PHOX2A: variants seen among roughly 807,000 people sequenced by gnomAD.
The protein encoded by PHOX2A is paired like homeobox 2A.
In PHOX2A, 10 loss-of-function variants were observed where a neutral mutation model predicts 16.4. The ratio of observed to expected loss-of-function variants is 0.61; its 90% CI spans 0.38 to 1.04. The LOEUF is 1.04. Among genes scored for constraint, PHOX2A ranks in the 50% least tolerant of loss-of-function variants. The probability of loss-of-function intolerance (pLI) is 0.01; values close to 1 mark genes in which losing one functional copy is unlikely to be tolerated. For synonymous variants in PHOX2A, 219 were observed against 203.8 expected (o/e 1.07, Z -0.64); for missense variants, 361 against 419.4 (o/e 0.86, Z 1.22).
In PHOX2A at chr11:72,239,977, C is replaced by T; in HGVS notation, c.627G>A (p.Pro209=). The T allele has an allele frequency of 7.6e-7, 1 of 1,318,664 alleles. No individual in the cohort carries two copies. The highest frequency in any genetic ancestry group is 9.6e-7 in the Non-Finnish European group (1 of 1,037,038). 81.7% of individuals were successfully genotyped at this position (1,318,664 alleles called of 1,614,324 possible). The change falls in exon 3 of 3, where the codon CCG becomes CCA. Residue 209 remains proline (P), a synonymous_variant. Coordinates refer to ENST00000298231, the MANE Select transcript of PHOX2A (RefSeq NM_005169.4). ...GLASPRLSPS[P]LPVALGSGPG... is the part of the protein sequence containing the mutation. ...GCCCGGAGCCCAGTGCGACGGGCAG[C>T]GGGCTGGGGCTCAGGCGCGGGCTGG...
chr11:72,241,415 C>T, intron 1 of PHOX2A, 126 bp from the exon 2 acceptor site: 1 of 644,848 alleles, frequency 1.6e-6, no homozygotes, highest in Admixed American at 2.9e-5. Context: ...CCTGATCCCT[C>T]GTCTTGGTCC....
intron 1 of PHOX2A, 23 bp from the exon 2 acceptor site, chr11:72,241,312 C>CGGGGGGGTGTGTGGGGGGGGGCG: frequency 2.5e-6 from 1 of 399,392 alleles, no homozygotes; most frequent in Non-Finnish European, 3.9e-6. Flanking sequence ...GCAGGGGGGC[C>CGGGGGGGTGTGTGGGGGGGGGCG]GGGGGGGGGG....
At position 72,239,640 on chromosome 11, in the gene PHOX2A, G is replaced by T; in HGVS notation, c.*109C>A. On this transcript the variant is annotated 3_prime_UTR_variant, in exon 3 of 3. Coordinates refer to ENST00000298231, the MANE Select transcript of PHOX2A (RefSeq NM_005169.4). Reference sequence around the variant, plus strand: ...CCGAGGGGTGAGACAGTAGGGAGTGGAGACGGATGGGGACTTCCAGGCGGG... The same window carrying T: ...CCGAGGGGTGAGACAGTAGGGAGTGTAGACGGATGGGGACTTCCAGGCGGG... The T allele has an allele frequency of 1.2e-6, 1 of 838,538 alleles. No homozygotes were observed. Among genetic ancestry groups the T allele is most frequent in the Non-Finnish European group, 1.6e-6 (1 of 614,028 alleles). The allele number at this position is 838,538 out of a possible 1,614,324, so 51.9% of individuals were successfully genotyped here. A position where few individuals can be genotyped will look rare whatever the true frequency, so the allele number is the denominator to read the frequency against.
chr11:72,243,662 G>T, intron 1 of PHOX2A, 126 bp downstream of exon 1: 1 of 444,256 alleles, frequency 2.3e-6, no homozygotes, highest in Non-Finnish European at 3.7e-6. Context: ...GGGTCTCTCG[G>T]GGCATTGGAG....
chr11:72,240,122 GCC>G lies in PHOX2A; in HGVS notation c.480_481del (p.Ala161GlyfsTer27). The G allele has an allele frequency of 6.6e-7, 1 of 1,524,014 alleles. No homozygotes were observed. The highest frequency in any genetic ancestry group is 1.2e-5 in the South Asian group (1 of 83,752). 94.4% of individuals were successfully genotyped at this position (1,524,014 alleles called of 1,614,324 possible). A position where few individuals can be genotyped will look rare whatever the true frequency, so the allele number is the denominator to read the frequency against. On this transcript the variant is annotated frameshift_variant, in exon 3 of 3. Transcript: ENST00000298231. LOFTEE classifies it high-confidence loss of function. ...GCGCGCCTCGCCCTTTTTGGCGCCC[GCC>G]GCGCCCGCCGCGCCCTTGGCGCTGG...
At position 72,239,800 on chromosome 11, in the gene PHOX2A, C is replaced by T. The variant is rs753265894; in HGVS notation, c.804G>A (p.Leu268=). 8.1e-6 allele frequency: 11 copies of T among 1,352,546 alleles called. No homozygotes were observed. The Admixed American group carries it at 9.2e-5, about 11-fold the overall frequency. 83.8% of individuals were successfully genotyped at this position (1,352,546 alleles called of 1,614,324 possible). ...ESGPGPFSGV[L]SSFHRKPGPA... ...GGCCGGGCTTCCGGTGAAAGGAGGA[C>T]AGAACCCCGGAGAAGGGCCCGGGGC... is the stretch of plus-strand genomic sequence containing the variant. The change falls in exon 3 of 3, where the codon CTG becomes CTA. Residue 268 remains leucine (L), a synonymous_variant. Coordinates refer to ENST00000298231, the MANE Select transcript of PHOX2A (RefSeq NM_005169.4).
rs763955171 is a variant in PHOX2A at position 72,239,762 on chromosome 11, G to A, written c.842C>T (p.Thr281Ile). 1 of 1,317,572 alleles carries A rather than the reference G, an allele frequency of 7.6e-7. No individual in the cohort carries two copies. Among genetic ancestry groups the A allele is most frequent in the Admixed American group, 3.1e-5 (1 of 32,372 alleles). 81.6% of individuals were successfully genotyped at this position (1,317,572 alleles called of 1,614,324 possible). The change falls in exon 3 of 3, where the codon ACC becomes ATC. Residue 281 changes from threonine (T) to isoleucine (I), a missense_variant. Around this residue, in one of 3 missense-constraint regions of PHOX2A, gnomAD observed 71 missense variants for 54.1 expected, o/e 1.31. Transcript: ENST00000298231. ...AGAGGCCGGCAGCTAGAAGAGATTG[G>A]TCTTCAGGGCGGGGCCGGGCTTCCG... ...FHRKPGPALKTNLF is the reference protein window; with the variant it reads ...FHRKPGPALKINLF
rs750255258 is a variant in PHOX2A at position 72,243,913 on chromosome 11, C to T, written c.92G>A (p.Gly31Asp). 4.6e-6 allele frequency: 6 copies of T among 1,299,708 alleles called. No homozygotes were observed. In the African/African-American group the frequency reaches 9.2e-5, roughly 20 times the overall value. The allele number at this position is 1,299,708 out of a possible 1,614,324, so 80.5% of individuals were successfully genotyped here. A position where few individuals can be genotyped will look rare whatever the true frequency, so the allele number is the denominator to read the frequency against. ...CCGCAGGGGGCTGTATTGGAAGCCG[C>T]CGGGCTGGCTGCAGGCGCCAAAGTC... ...YGDFGACSQPGGFQYSPLRPA... is the reference protein window; with the variant it reads ...YGDFGACSQPDGFQYSPLRPA... The change falls in exon 1 of 3, where the codon GGC becomes GAC. Residue 31 changes from glycine (G) to aspartate (D), a missense_variant. By Grantham distance (94) the Gly-to-Asp change is moderately conservative. Coordinates refer to ENST00000298231, the MANE Select transcript of PHOX2A (RefSeq NM_005169.4).
In PHOX2A at chr11:72,243,966, C is replaced by G; in HGVS notation, c.39G>C (p.Val13=). 7.6e-7 allele frequency: 1 copy of G among 1,309,534 alleles called. No homozygotes were observed. The highest frequency in any genetic ancestry group is 1.5e-5 in the African/African-American group (1 of 66,154). 81.1% of individuals were successfully genotyped at this position (1,309,534 alleles called of 1,614,324 possible). The change falls in exon 1 of 3, where the codon GTG becomes GTC. Residue 13 remains valine, a synonymous_variant. Coordinates refer to ENST00000298231, the MANE Select transcript of PHOX2A (RefSeq NM_005169.4). Reference sequence around the variant, plus strand: ...CGTAGGCGGACGCCTCCATGGCCGCCACGCACGAGTCGTACGAATTGAGGT... The same window carrying G: ...CGTAGGCGGACGCCTCCATGGCCGCGACGCACGAGTCGTACGAATTGAGGT... ...YSYLNSYDSC[V]AAMEASAYGD...
At chr11:72,242,681 G>T in intron 1 of PHOX2A, among the ~76,000 whole-genome samples, 1 of 151,088 alleles carries the variant, frequency 6.6e-6, no homozygotes, top group Non-Finnish European at 1.5e-5. Context: ...TTTTGAGACC[G>T]AGTCTCATTC....
In PHOX2A at chr11:72,241,236, G is replaced by A; in HGVS notation, c.271C>T (p.Arg91Trp). 1 of 1,612,180 alleles carries A rather than the reference G, an allele frequency of 6.2e-7. No homozygotes were observed. The highest frequency in any genetic ancestry group is 8.5e-7 in the Non-Finnish European group (1 of 1,179,530). The change falls in exon 2 of 3, where the codon CGG (arginine) becomes TGG (tryptophan). Residue 91 changes from arginine (R) to tryptophan (W), a missense_variant. Coordinates refer to ENST00000298231, the MANE Select transcript of PHOX2A (RefSeq NM_005169.4). ...CTGGTGAACGTGGTGCGGATGCGCC[G>A]CTGCTTGCGCTTCTCGTGCAGGCCG... The part of the protein sequence containing the change: ...PSGLHEKRKQ[R>W]RIRTTFTSAQ...
intron 2 of PHOX2A, 98 bp from the exon 3 acceptor site, chr11:72,240,296 A>C: frequency 2.7e-6 from 4 of 1,478,122 alleles, no homozygotes; most frequent in Non-Finnish European, 3.6e-6. Flanking sequence ...GTTCGGAAAG[A>C]ACCGGGCCCG....
Position 72,244,089 on chromosome 11 carries a change from C to T in PHOX2A, c.-85G>A. 1.5e-6 allele frequency: 1 copy of T among 645,858 alleles called. No individual in the cohort carries two copies. Among genetic ancestry groups the T allele is most frequent in the Non-Finnish European group, 2.2e-6 (1 of 451,120 alleles). 40.0% of individuals were successfully genotyped at this position (645,858 alleles called of 1,614,324 possible). On this transcript the variant is annotated 5_prime_UTR_variant, in exon 1 of 3. Coordinates refer to ENST00000298231, the MANE Select transcript of PHOX2A (RefSeq NM_005169.4). The stretch of plus-strand genomic sequence containing the variant: ...GAGGTCGGAAGGGAGGTTCGAGCGC[C>T]AGGCTCCGAGGACCCGAGGCCAGCT...
In PHOX2A at chr11:72,243,931, C is replaced by G; in HGVS notation, c.74G>C (p.Gly25Ala). The change falls in exon 1 of 3, where the codon GGC (glycine) becomes GCC (alanine). Residue 25 changes from glycine (G) to alanine (A), a missense_variant. Physicochemically the swap from Gly to Ala is moderately conservative, Grantham distance 60. Around this residue, in one of 3 missense-constraint regions of PHOX2A, gnomAD observed 235 missense variants for 263.8 expected, o/e 0.89. Coordinates refer to ENST00000298231, the MANE Select transcript of PHOX2A (RefSeq NM_005169.4). ...AMEASAYGDF[G>A]ACSQPGGFQY... ...GAAGCCGCCGGGCTGGCTGCAGGCG[C>G]CAAAGTCGCCGTAGGCGGACGCCTC... 4 of 1,309,298 alleles carry G rather than the reference C, an allele frequency of 3.1e-6. No homozygotes were observed. The highest frequency in any genetic ancestry group is 3.9e-6 in the Non-Finnish European group (4 of 1,022,882). 81.1% of individuals were successfully genotyped at this position (1,309,298 alleles called of 1,614,324 possible).
chr11:72,242,959 G>C (rs186351901), intron 1 of PHOX2A, among the ~76,000 whole-genome samples: 1 of 152,044 alleles, frequency 6.6e-6, no homozygotes, highest in African/African-American at 2.4e-5. Context: ...GAGCCACCGC[G>C]CCTGGCCCTT....
chr11:72,241,312 C>CGGGGGGGGGTGGGGGGGGGGGGG, intron 1 of PHOX2A, 23 bp from the exon 2 acceptor site: 1 of 399,388 alleles, frequency 2.5e-6, no homozygotes. Context: ...GCAGGGGGGC[C>CGGGGGGGGGTGGGGGGGGGGGGG]GGGGGGGGGG....
At position 72,240,099 on chromosome 11, in the gene PHOX2A, G is replaced by A. The variant is rs1008875170; in HGVS notation, c.505C>T (p.Arg169Cys). 18 of 1,531,206 alleles carry A rather than the reference G, an allele frequency of 1.2e-5. No homozygotes were observed. The Admixed American group carries it at 3.6e-4, about 30-fold the overall frequency. The allele number at this position is 1,531,206 out of a possible 1,614,324, so 94.9% of individuals were successfully genotyped here. A position where few individuals can be genotyped will look rare whatever the true frequency, so the allele number is the denominator to read the frequency against. The change falls in exon 3 of 3, where the codon CGC (arginine) becomes TGC (cysteine). Residue 169 changes from arginine to cysteine, a missense_variant. Around this residue, in one of 3 missense-constraint regions of PHOX2A, gnomAD observed 235 missense variants for 263.8 expected, o/e 0.89. Transcript: ENST00000298231. ...GAAGAKKGEA[R>C]CSSEDDDSKE... Reference sequence around the variant, plus strand: ...GAATCGTCGTCCTCGGAGGAGCAGCGCGCCTCGCCCTTTTTGGCGCCCGCC... The same window carrying A: ...GAATCGTCGTCCTCGGAGGAGCAGCACGCCTCGCCCTTTTTGGCGCCCGCC...
At position 72,240,088 on chromosome 11, in the gene PHOX2A, G is replaced by C; in HGVS notation, c.516C>G (p.Ser172=). 3.9e-6 allele frequency: 6 copies of C among 1,530,938 alleles called. No homozygotes were observed. Among genetic ancestry groups the C allele is most frequent in the Non-Finnish European group, 3.5e-6 (4 of 1,143,706 alleles). The allele number at this position is 1,530,938 out of a possible 1,614,324, so 94.8% of individuals were successfully genotyped here. A position where few individuals can be genotyped will look rare whatever the true frequency, so the allele number is the denominator to read the frequency against. Residue 172 remains serine (S), a synonymous_variant, in exon 3 of 3, where the codon TCC becomes TCG. Coordinates refer to ENST00000298231, the MANE Select transcript of PHOX2A (RefSeq NM_005169.4). ...TGGACTCCTTGGAATCGTCGTCCTC[G>C]GAGGAGCAGCGCGCCTCGCCCTTTT... The part of the protein sequence containing the change: ...GAKKGEARCS[S]EDDDSKESTC...
At chr11:72,240,575 G>T (rs1047584451) in intron 2 of PHOX2A, among the ~76,000 whole-genome samples, 7 of 152,308 alleles carry the variant, frequency 4.6e-5, no homozygotes, top group Admixed American at 4.6e-4. Context: ...AGTTTAGGGC[G>T]CCAGTAAACC....
Sources: gnomAD v4.1 joint callset for allele counts (sites outside exome capture counted in the v4.1 genomes callset) on GRCh38, gnomAD v4.1.1 for gene constraint, gnomAD v4.1.1 regional missense constraint, MANE v1.5 for transcripts, NCBI Gene and HGNC (gene_info 2026-07-23, HGNC 2026-07-21) for gene names.